The following CATSPER2 variants were observed in gnomAD, a reference collection of about 807,000 sequenced individuals.
The protein encoded by CATSPER2 is cation channel sperm associated 2, also known as cation channel sperm-associated protein 2.
Under a neutral mutation model 68.8 loss-of-function variants are expected in CATSPER2, and 56 were observed. The ratio of observed to expected loss-of-function variants is 0.81; its 90% CI spans 0.66 to 1.02. The LOEUF (loss-of-function observed/expected upper bound fraction) is 1.02, where lower values mean the gene tolerates loss of function less well. Among genes scored for constraint, CATSPER2 ranks in the 50% least tolerant of loss-of-function variants. The pLI is 0.00. For missense variants in CATSPER2, 582 were observed against 642.0 expected (o/e 0.91, Z 1.01); for synonymous variants, 198 against 229.9 (o/e 0.86, Z 1.26).
chr15:43,647,799 T>C (rs2086198044), intron 2 of CATSPER2, 118 bp downstream of exon 2: 1 of 1,179,208 alleles, frequency 8.5e-7, no homozygotes, highest in Admixed American at 1.7e-5. Flanking sequence ...TTACAAGCCC[T>C]TGATTTATCA....
Position 43,648,621 on chromosome 15 carries a change from G to C in CATSPER2, c.-3+8C>G. ...CTTCTCTCCTCCATTCTCGCTTCTG[G>C]GCCTCACCTCAGCCCAGGTTCTCTT... On this transcript the variant is annotated splice_region_variant and intron_variant, in intron 1 of 12. Transcript: ENST00000396879. 2 of 1,387,530 alleles carry C rather than the reference G, an allele frequency of 1.4e-6. No homozygotes were observed. Among genetic ancestry groups the C allele is most frequent in the Admixed American group, 3.2e-5 (1 of 30,942 alleles). The allele number at this position is 1,387,530 out of a possible 1,614,324, so 86.0% of individuals were successfully genotyped here.
chr15:43,639,406 G>A lies in CATSPER2; in HGVS notation c.717+237C>T, dbSNP rs982719872. ...ATTACAGGCACACACCACCAAGCCCGGCAATTTTTTTTTTTTTTTTTTTTT... is the reference window on the plus strand; with the variant it reads ...ATTACAGGCACACACCACCAAGCCCAGCAATTTTTTTTTTTTTTTTTTTTT... On this transcript the variant is annotated intron_variant, in intron 6 of 12. Coordinates refer to ENST00000396879, the MANE Select transcript of CATSPER2 (RefSeq NM_172095.4). 82 of 491,914 alleles carry A rather than the reference G, an allele frequency of 1.7e-4. 1 individual carries two copies. Among genetic ancestry groups the A allele is most frequent in the African/African-American group, 9.3e-4 (43 of 46,260 alleles). The allele number at this position is 491,914 out of a possible 1,614,324, so 30.5% of individuals were successfully genotyped here.
rs550001795 is a variant in CATSPER2, at chr15:43,631,639, C to T, written c.1561+560G>A. ...AGTTCCCAGTTTACATCAAACTCTA[C>T]TATTTAAATCACATATTTATCTTTA... On this transcript the variant is annotated intron_variant, in intron 12 of 12. Transcript: ENST00000396879. 1.6e-4 allele frequency: 40 copies of T among 257,918 alleles called. 1 individual carries two copies. The South Asian group carries it at 1.8e-3, about 12-fold the overall frequency. The allele number at this position is 257,918 out of a possible 1,614,324, so 16.0% of individuals were successfully genotyped here. A position where few individuals can be genotyped will look rare whatever the true frequency, so the allele number is the denominator to read the frequency against.
intron 10 of CATSPER2, chr15:43,634,063 A>C (rs952223118): frequency 6.6e-6 from 1 of 151,860 alleles, no homozygotes; most frequent in Non-Finnish European, 1.5e-5. Context: ...TGCTTATCAT[A>C]TTTTAACAGA....
chr15:43,630,558 C>T lies in CATSPER2; in HGVS notation c.*143G>A, dbSNP rs561587971. ...TTTTAGTAGAGACAGGGTTTCACCA[C>T]GCCTGGCCTAGACACTTATACTTTT... On this transcript the variant is annotated 3_prime_UTR_variant, in exon 13 of 13. Coordinates refer to ENST00000396879, the MANE Select transcript of CATSPER2 (RefSeq NM_172095.4). The T allele has an allele frequency of 3.4e-5, 53 of 1,550,204 alleles. 2 individuals are homozygous for T. Among genetic ancestry groups the T allele is most frequent in the East Asian group, 1.7e-4 (7 of 42,236 alleles).
rs376165935 is a variant in CATSPER2, at chr15:43,639,672, T to C, written c.688A>G (p.Ile230Val). ...LLAQFRQIQI[I>V]ILVLVRALKS... is the part of the protein sequence containing the mutation. ...AGGGCCCTGACCAGGACCAAAATAATAATTTGAATTTGACGGAATTGTGCA... is the reference window on the plus strand; with the variant it reads ...AGGGCCCTGACCAGGACCAAAATAACAATTTGAATTTGACGGAATTGTGCA... The change falls in exon 6 of 13, where the codon ATT (isoleucine) becomes GTT (valine). Residue 230 changes from isoleucine (I) to valine (V), a missense_variant. By Grantham distance (29) the Ile-to-Val change is conservative. Coordinates refer to ENST00000396879, the MANE Select transcript of CATSPER2 (RefSeq NM_172095.4). 1.2e-6 allele frequency: 2 copies of C among 1,613,036 alleles called. No homozygotes were observed. Among genetic ancestry groups the C allele is most frequent in the Non-Finnish European group, 1.7e-6 (2 of 1,179,622 alleles).
chr15:43,630,547 G>A lies in CATSPER2; in HGVS notation c.*154C>T. On this transcript the variant is annotated 3_prime_UTR_variant, in exon 13 of 13. Coordinates refer to ENST00000396879, the MANE Select transcript of CATSPER2 (RefSeq NM_172095.4). The stretch of plus-strand genomic sequence containing the variant: ...TTTTTTTGTATTTTTAGTAGAGACA[G>A]GGTTTCACCACGCCTGGCCTAGACA... The A allele has an allele frequency of 6.6e-7, 1 of 1,517,916 alleles. No individual in the cohort carries two copies. Among genetic ancestry groups the A allele is most frequent in the Non-Finnish European group, 8.9e-7 (1 of 1,117,678 alleles). 94.0% of individuals were successfully genotyped at this position (1,517,916 alleles called of 1,614,324 possible).
chr15:43,636,317 T>C (rs1567127667), intron 7 of CATSPER2, 98 bp from the exon 8 acceptor site: 2 of 1,494,342 alleles, frequency 1.3e-6, no homozygotes, highest in East Asian at 2.3e-5. Context: ...CATTTCTTTG[T>C]AGTTTGTTCT....
In CATSPER2 at chr15:43,632,749, G is replaced by A; in HGVS notation, c.1364C>T (p.Ser455Phe). 1 of 1,613,596 alleles carries A rather than the reference G, an allele frequency of 6.2e-7. No homozygotes were observed. The highest frequency in any genetic ancestry group is 8.5e-7 in the Non-Finnish European group (1 of 1,179,748). ...CVSSTSSSYS[S>F]SSESRFSESI... ...TTCAGAAAATCTGGATTCAGAAGAG[G>A]AAGAATAGGAAGAGGATGTGGAGGA... The change falls in exon 11 of 13, where the codon TCC becomes TTC. Residue 455 changes from serine (S) to phenylalanine (F), a missense_variant. Coordinates refer to ENST00000396879, the MANE Select transcript of CATSPER2 (RefSeq NM_172095.4).
rs1289462261 is a variant in CATSPER2 at position 43,629,784 on chromosome 15, C to G, written c.*917G>C. On this transcript the variant is annotated 3_prime_UTR_variant, in exon 13 of 13. Transcript: ENST00000396879. Reference sequence around the variant, plus strand: ...ATTTGAACACTGCCCTGAGCTATGGCAAAATGAAATAAAGAGACTTCCGGT... The same window carrying G: ...ATTTGAACACTGCCCTGAGCTATGGGAAAATGAAATAAAGAGACTTCCGGT... The G allele has an allele frequency of 6.6e-6, 1 of 151,628 alleles. No individual in the cohort carries two copies. The highest frequency in any genetic ancestry group is 1.5e-5 in the Non-Finnish European group (1 of 67,942). 9.4% of individuals were successfully genotyped at this position (151,628 alleles called of 1,614,324 possible).
intron 5 of CATSPER2, 164 bp downstream of exon 5, chr15:43,640,160 A>G: frequency 6.5e-7 from 1 of 1,527,734 alleles, no homozygotes; most frequent in Non-Finnish European, 8.8e-7. Context: ...CCTAATACCA[A>G]CAACTCCTGC....
Position 43,630,722 on chromosome 15 carries a change from C to T in CATSPER2, c.1572G>A (p.Leu524=). The change falls in exon 13 of 13, where the codon CTG becomes CTA. Residue 524 remains leucine (L), a synonymous_variant. Coordinates refer to ENST00000396879, the MANE Select transcript of CATSPER2 (RefSeq NM_172095.4). ...KKLQEFAVQA[L]MNLEDK The stretch of plus-strand genomic sequence containing the variant: ...TGCTTTACTTGTCTTCCAAGTTCAT[C>T]AGTGCCTGCACTGCAAAGGAAACAG... 3 of 1,612,174 alleles carry T rather than the reference C, an allele frequency of 1.9e-6. No individual in the cohort carries two copies. The highest frequency in any genetic ancestry group is 2.5e-6 in the Non-Finnish European group (3 of 1,179,544).
intron 4 of CATSPER2, among the ~76,000 whole-genome samples, chr15:43,646,176 T>C (rs377084242): frequency 1.3e-5 from 2 of 151,894 alleles, no homozygotes; most frequent in Non-Finnish European, 2.9e-5. Context: ...ATAAAACTGG[T>C]CTTCCCAAGT....
In CATSPER2 at chr15:43,647,449, T is replaced by A. The variant is rs762933365; in HGVS notation, c.164A>T (p.Lys55Ile). The change falls in exon 3 of 13, where the codon AAA becomes ATA. Residue 55 changes from lysine to isoleucine, a missense_variant. Around this residue, in one of 5 missense-constraint regions of CATSPER2, gnomAD observed 197 missense variants for 191.0 expected, o/e 1.03. Transcript: ENST00000396879. ...RELLDPSRQK[K>I]LVLGDQHQLV... ...CTGGTGTTGATCTCCCAATACAAGT[T>A]TCTTCTGGCGGGAAGGATCTACAAC... is the stretch of plus-strand genomic sequence containing the variant. 1 of 1,613,016 alleles carries A rather than the reference T, an allele frequency of 6.2e-7. No individual in the cohort carries two copies. The highest frequency in any genetic ancestry group is 8.5e-7 in the Non-Finnish European group (1 of 1,179,480).
Position 43,648,007 on chromosome 15 carries a change from G to A in CATSPER2, c.55C>T (p.Arg19Cys), listed in dbSNP as rs144022723. The stretch of plus-strand genomic sequence containing the variant: ...GAGAAAGTATCGATGAGACGTGAAC[G>A]AATGGCATCAGCTCGGGGAAGCTGC... ...QMQLPRADAI[R>C]SRLIDTFSLI... is the part of the protein sequence containing the mutation. Residue 19 changes from arginine (R) to cysteine (C), a missense_variant, in exon 2 of 13, where the codon CGT becomes TGT. Transcript: ENST00000396879. 1.3e-4 allele frequency: 215 copies of A among 1,613,632 alleles called. 1 individual carries two copies. Among genetic ancestry groups the A allele is most frequent in the African/African-American group, 1.2e-3 (93 of 74,972 alleles).
chr15:43,633,404 T>C lies in CATSPER2; in HGVS notation c.1179-470A>G, dbSNP rs547705367. On this transcript the variant is annotated intron_variant, in intron 10 of 12. Coordinates refer to ENST00000396879, the MANE Select transcript of CATSPER2 (RefSeq NM_172095.4). ...GCACCCATAACCCTACAGGATCAGGTCACCATTCTCTCTCTGACTTCATTT... is the reference window on the plus strand; with the variant it reads ...GCACCCATAACCCTACAGGATCAGGCCACCATTCTCTCTCTGACTTCATTT... 529 of 189,320 alleles carry C rather than the reference T, an allele frequency of 2.8e-3. 5 individuals are homozygous for C. The highest frequency in any genetic ancestry group is 4.8e-3 in the Admixed American group (89 of 18,654). The allele number at this position is 189,320 out of a possible 1,614,324, so 11.7% of individuals were successfully genotyped here. A position where few individuals can be genotyped will look rare whatever the true frequency, so the allele number is the denominator to read the frequency against.
At chr15:43,644,711 G>A (rs1381892539) in intron 4 of CATSPER2, among the ~76,000 whole-genome samples, 4 of 151,944 alleles carry the variant, frequency 2.6e-5, no homozygotes, top group Non-Finnish European at 5.9e-5. Flanking sequence ...GATGATCTGA[G>A]GTGGAACAGC....
rs371691508 is a variant in CATSPER2, at chr15:43,631,483, C to T, written c.1561+716G>A. 55 of 291,888 alleles carry T rather than the reference C, an allele frequency of 1.9e-4. 1 individual carries two copies. In the East Asian group the frequency reaches 3.3e-3, roughly 18 times the overall value. 18.1% of individuals were successfully genotyped at this position (291,888 alleles called of 1,614,324 possible). Reference sequence around the variant, plus strand: ...TGACCTTGTGATCTGCCCGCCTCGGCCTCCCAAAGTGCTGGGATTACAGGT... The same window carrying T: ...TGACCTTGTGATCTGCCCGCCTCGGTCTCCCAAAGTGCTGGGATTACAGGT... On this transcript the variant is annotated intron_variant, in intron 12 of 12. Transcript: ENST00000396879.
chr15:43,630,900 T>C (rs113277603), intron 12 of CATSPER2, among the ~76,000 whole-genome samples, 168 bp from the exon 13 acceptor site: 4,784 of 152,000 alleles, frequency 0.031, 171 homozygotes, highest in African/African-American at 0.073. Context: ...CAAGTTTTAT[T>C]AGGATTAAAG....
Sources: gnomAD v4.1 joint callset for allele counts (sites outside exome capture counted in the v4.1 genomes callset) on GRCh38, gnomAD v4.1.1 for gene constraint, gnomAD v4.1.1 regional missense constraint, MANE v1.5 for transcripts, NCBI Gene and HGNC (gene_info 2026-07-23, HGNC 2026-07-21) for gene names.